The following VAV3 variants were observed in gnomAD, a reference collection of about 807,000 sequenced individuals.
VAV3 encodes the protein vav guanine nucleotide exchange factor 3, also known as guanine nucleotide exchange factor VAV3.
Under a neutral mutation model 131.2 loss-of-function variants are expected in VAV3, and 94 were observed. The observed-to-expected ratio is 0.72, with a 90% confidence interval of 0.61 to 0.85. The LOEUF (loss-of-function observed/expected upper bound fraction) is 0.85, where lower values mean the gene tolerates loss of function less well. Among genes scored for constraint, VAV3 ranks in the 40% least tolerant of loss-of-function variants. The pLI is 0.00. For missense variants in VAV3, 939 were observed against 1,002.7 expected (o/e 0.94, Z 0.86); for synonymous variants, 349 against 342.0 (o/e 1.02, Z -0.22).
chr1:107,786,530 C>G lies in VAV3; in HGVS notation c.322-7038G>C, dbSNP rs148750276. Reference sequence around the variant, plus strand: ...CTTTCAGCGTTAAAGAGGTGACAGACAGACAGATATATGCACATAGAAGAA... The same window carrying G: ...CTTTCAGCGTTAAAGAGGTGACAGAGAGACAGATATATGCACATAGAAGAA... On this transcript the variant is annotated intron_variant, in intron 2 of 26. Transcript: ENST00000370056. 2.0e-3 allele frequency among the ~76,000 whole-genome samples: 300 copies of G among 152,328 alleles called. 4 individuals carry two copies. The highest frequency in any genetic ancestry group is 6.7e-3 in the African/African-American group (279 of 41,574).
intron 18 of VAV3, among the ~76,000 whole-genome samples, chr1:107,687,973 A>G (rs1659150148): frequency 6.6e-6 from 1 of 152,180 alleles, no homozygotes; most frequent in Non-Finnish European, 1.5e-5. Flanking sequence ...GAAACATGGA[A>G]CCATAATCTT....
chr1:107,658,074 C>A (rs1490056608), intron 19 of VAV3, among the ~76,000 whole-genome samples: 1 of 152,158 alleles, frequency 6.6e-6, no homozygotes, highest in Admixed American at 6.5e-5. Context: ...ATATCTCTTT[C>A]TAATGAAAGA....
intron 9 of VAV3, among the ~76,000 whole-genome samples, chr1:107,761,218 T>G (rs199629420): frequency 5.9e-5 from 9 of 151,976 alleles, no homozygotes; most frequent in East Asian, 5.8e-4. Context: ...TGAAACCCCA[T>G]CTCTACTGAA....
chr1:107,646,611 A>G (rs1655754857), intron 19 of VAV3, among the ~76,000 whole-genome samples: 1 of 152,050 alleles, frequency 6.6e-6, no homozygotes, highest in Non-Finnish European at 1.5e-5. Flanking sequence ...ATCCCCTACA[A>G]CAAAAGCTTT....
chr1:107,777,689 T>A (rs1348195298), intron 3 of VAV3: 1 of 188,036 alleles, frequency 5.3e-6, no homozygotes, highest in Non-Finnish European at 1.1e-5. Flanking sequence ...CAGCACCCTC[T>A]CTTTTCAGCT....
chr1:107,835,434 C>T (rs981397632), intron 2 of VAV3, among the ~76,000 whole-genome samples: 3 of 152,048 alleles, frequency 2.0e-5, no homozygotes, highest in African/African-American at 7.2e-5. Flanking sequence ...GAAAGAGCAC[C>T]CACTCTGAAC....
intron 2 of VAV3, among the ~76,000 whole-genome samples, chr1:107,851,095 C>T (rs750320729): frequency 2.0e-5 from 3 of 150,612 alleles, no homozygotes; most frequent in Admixed American, 6.6e-5. Flanking sequence ...ACAAAGAAGC[C>T]GGCCCTCCGG....
chr1:107,654,681 A>G (rs1409769108), intron 19 of VAV3, among the ~76,000 whole-genome samples: 1 of 151,968 alleles, frequency 6.6e-6, no homozygotes, highest in Non-Finnish European at 1.5e-5. Flanking sequence ...TTTTCTACAT[A>G]AAGAGTTTCT....
At chr1:107,925,307 A>C (rs1044525725) in intron 1 of VAV3, among the ~76,000 whole-genome samples, 1 of 152,198 alleles carries the variant, frequency 6.6e-6, no homozygotes, top group African/African-American at 2.4e-5. Flanking sequence ...AATATTCAGT[A>C]AGCTGTATAA....
At chr1:107,725,620 T>A (rs961930700) in intron 15 of VAV3, among the ~76,000 whole-genome samples, 2 of 152,162 alleles carry the variant, frequency 1.3e-5, no homozygotes, top group Admixed American at 1.3e-4. Context: ...GTTCATGTGA[T>A]TCTCATCCCT....
At chr1:107,711,578 G>A (rs371529988) in intron 15 of VAV3, among the ~76,000 whole-genome samples, 4 of 152,118 alleles carry the variant, frequency 2.6e-5, no homozygotes, top group African/African-American at 9.7e-5. Context: ...TAGCAAATTC[G>A]AGCTTGCTAT....
intron 2 of VAV3, chr1:107,785,719 T>C: frequency 1.0e-6 from 1 of 984,576 alleles, no homozygotes; most frequent in South Asian, 2.9e-5. Flanking sequence ...GGTGGAGAAA[T>C]TCAGACAGAA....
intron 1 of VAV3, among the ~76,000 whole-genome samples, chr1:107,926,745 T>C (rs1005657783): frequency 6.6e-6 from 1 of 152,082 alleles, no homozygotes; most frequent in African/African-American, 2.4e-5. Context: ...GAAGGGAGTA[T>C]TTAAACCAGC....
intron 24 of VAV3, among the ~76,000 whole-genome samples, 194 bp downstream of exon 24, chr1:107,602,203 T>A (rs1477173683): frequency 6.6e-6 from 1 of 152,216 alleles, no homozygotes; most frequent in African/African-American, 2.4e-5. Flanking sequence ...ACAATGAAGA[T>A]TACGATTCGA....
intron 21 of VAV3, among the ~76,000 whole-genome samples, chr1:107,614,569 A>G (rs1442870939): frequency 6.6e-6 from 1 of 152,134 alleles, no homozygotes; most frequent in Non-Finnish European, 1.5e-5. Flanking sequence ...GCTTACAATT[A>G]TAAGTTACTC....
At chr1:107,651,214 T>C (rs143165678) in intron 19 of VAV3, among the ~76,000 whole-genome samples, 8 of 152,124 alleles carry the variant, frequency 5.3e-5, no homozygotes, top group Non-Finnish European at 1.2e-4. Flanking sequence ...TCAGCTGTCA[T>C]TTATAAACCA....
At chr1:107,828,504 T>A (rs1668109476) in intron 2 of VAV3, among the ~76,000 whole-genome samples, 2 of 152,284 alleles carry the variant, frequency 1.3e-5, no homozygotes, top group South Asian at 4.2e-4. Context: ...CATGTTGAAT[T>A]TTTGACTTAC....
intron 2 of VAV3, among the ~76,000 whole-genome samples, chr1:107,807,308 CA>C (rs1365759231): frequency 6.6e-6 from 1 of 152,170 alleles, no homozygotes; most frequent in Non-Finnish European, 1.5e-5. Flanking sequence ...CTTTTCTTTG[CA>C]GTTAGGCTCA....
intron 19 of VAV3, among the ~76,000 whole-genome samples, chr1:107,663,755 C>T (rs1472939296): frequency 1.3e-5 from 2 of 152,184 alleles, no homozygotes; most frequent in Non-Finnish European, 2.9e-5. Flanking sequence ...TAATACTCTA[C>T]TGCAGCTACT....
Sources: gnomAD v4.1 joint callset for allele counts (sites outside exome capture counted in the v4.1 genomes callset) on GRCh38, gnomAD v4.1.1 for gene constraint, MANE v1.5 for transcripts, NCBI Gene and HGNC (gene_info 2026-07-23, HGNC 2026-07-21) for gene names.